PRPF18: variants seen among roughly 807,000 people sequenced by gnomAD.
PRPF18 encodes pre-mRNA-splicing factor 18.
Under a neutral mutation model 46.5 loss-of-function variants are expected in PRPF18, and 38 were observed. The ratio of observed to expected loss-of-function variants is 0.82; its 90% CI spans 0.63 to 1.07. The LOEUF (loss-of-function observed/expected upper bound fraction) is 1.07, where lower values mean the gene tolerates loss of function less well. PRPF18 is among the 50% of genes least tolerant of loss of function. PRPF18 has a pLI of 0.00. For synonymous variants in PRPF18, 152 were observed against 146.7 expected (o/e 1.04, Z -0.26); for missense variants, 263 against 410.0 (o/e 0.64, Z 3.10).
chr10:13,635,727 C>T (rs2080631868), downstream of PRPF18, among the ~76,000 whole-genome samples: 1 of 152,092 alleles, frequency 6.6e-6, no homozygotes, highest in Non-Finnish European at 1.5e-5. Context: ...GTCCTTTGCC[C>T]ACTTTTTAAT....
intron 8 of PRPF18, among the ~76,000 whole-genome samples, chr10:13,615,950 T>C (rs2080333681): frequency 6.6e-6 from 1 of 152,150 alleles, no homozygotes; most frequent in African/African-American, 2.4e-5. Flanking sequence ...CACAGTGCTG[T>C]GTAGGGAGTG....
chr10:13,595,872 A>G (rs1297028268), intron 1 of PRPF18, among the ~76,000 whole-genome samples: 1 of 152,226 alleles, frequency 6.6e-6, no homozygotes, highest in African/African-American at 2.4e-5. Flanking sequence ...ATAAAATTTT[A>G]TGATGAGCCC....
chr10:13,653,923 C>A, the PRPF18 span: 1 of 184,418 alleles, frequency 5.4e-6, no homozygotes, highest in African/African-American at 2.3e-5. Context: ...GGCACCTGAT[C>A]TCTTTTGTGT....
At chr10:13,645,938 A>G in the PRPF18 span, 6 of 152,616 alleles carry the variant, frequency 3.9e-5, no homozygotes, top group Non-Finnish European at 5.9e-5. Context: ...ATGAGAGAGA[A>G]CCACTTTTGG....
At chr10:13,630,208 A>C in intron 9 of PRPF18, 52 bp from the exon 10 acceptor site, 1 of 1,402,958 alleles carries the variant, frequency 7.1e-7, no homozygotes. Flanking sequence ...GAAGGCAGTT[A>C]AGAATAATTT....
At chr10:13,599,182 T>C (rs2133327124) in intron 2 of PRPF18, among the ~76,000 whole-genome samples, 1 of 152,344 alleles carries the variant, frequency 6.6e-6, no homozygotes, top group Admixed American at 6.5e-5. Flanking sequence ...TATCCATTCC[T>C]TTTATTCTTT....
intron 1 of PRPF18, 29 bp downstream of exon 1, chr10:13,587,181 G>T: frequency 6.3e-7 from 1 of 1,594,500 alleles, no homozygotes; most frequent in Non-Finnish European, 8.6e-7. Flanking sequence ...TGGGGGTCGG[G>T]ATGTAAGAGT....
At chr10:13,592,812 T>C (rs933639825) in intron 1 of PRPF18, among the ~76,000 whole-genome samples, 7 of 152,322 alleles carry the variant, frequency 4.6e-5, no homozygotes, top group Middle Eastern at 3.4e-3. Flanking sequence ...GAATTTTAGC[T>C]TTTTTTCCTT....
chr10:13,592,043 A>C, intron 1 of PRPF18: 1 of 609,748 alleles, frequency 1.6e-6, no homozygotes, highest in Non-Finnish European at 2.9e-6. Flanking sequence ...TGTCACCACC[A>C]ACTGGTTTTG....
the PRPF18 span, chr10:13,647,951 T>A: frequency 6.6e-6 from 1 of 152,026 alleles, no homozygotes; most frequent in Non-Finnish European, 1.5e-5. Context: ...GAGGGATGGG[T>A]GACAGGAAGG....
At chr10:13,654,717 G>A in the PRPF18 span, 22 of 572,818 alleles carry the variant, frequency 3.8e-5, no homozygotes, top group East Asian at 5.0e-4. Context: ...CCCAACCTCT[G>A]CATCCCACCC....
intron 2 of PRPF18, among the ~76,000 whole-genome samples, chr10:13,599,210 A>AT (rs2080073326): frequency 6.6e-6 from 1 of 152,136 alleles, no homozygotes; most frequent in Non-Finnish European, 1.5e-5. Flanking sequence ...ATGAGTTAGC[A>AT]TTTTTTAAGG....
At chr10:13,626,534 G>C (rs1206445859) in intron 9 of PRPF18, among the ~76,000 whole-genome samples, 1 of 152,210 alleles carries the variant, frequency 6.6e-6, no homozygotes, top group Non-Finnish European at 1.5e-5. Context: ...GTGGGAGAAA[G>C]TGCTTTTGAG....
intron 3 of PRPF18, among the ~76,000 whole-genome samples, chr10:13,605,256 A>C (rs2080166124): frequency 6.6e-6 from 1 of 152,180 alleles, no homozygotes; most frequent in African/African-American, 2.4e-5. Flanking sequence ...ACAATATACA[A>C]ATTGTTTTTG....
chr10:13,606,563 C>T (rs1315423700), intron 4 of PRPF18, among the ~76,000 whole-genome samples: 2 of 151,854 alleles, frequency 1.3e-5, no homozygotes, highest in African/African-American at 2.4e-5. Flanking sequence ...GGTGAAACCC[C>T]GTCTCTACTA....
At chr10:13,627,039 C>T (rs1473085113) in intron 9 of PRPF18, among the ~76,000 whole-genome samples, 2 of 152,054 alleles carry the variant, frequency 1.3e-5, no homozygotes, top group African/African-American at 2.4e-5. Context: ...TCTCTTATTG[C>T]TCCTCTCCAG....
At chr10:13,624,591 C>A (rs1016896958) in intron 9 of PRPF18, among the ~76,000 whole-genome samples, 2 of 152,168 alleles carry the variant, frequency 1.3e-5, no homozygotes, top group Admixed American at 6.5e-5. Flanking sequence ...ATGTACTGCT[C>A]AGGAAGGGTA....
intron 6 of PRPF18, among the ~76,000 whole-genome samples, chr10:13,612,037 G>A (rs2080276675): frequency 6.6e-6 from 1 of 151,948 alleles, no homozygotes. Flanking sequence ...CCACCACCAT[G>A]CTTGGCTAAT....
At chr10:13,597,675 T>C (rs373945941) in intron 2 of PRPF18, 140 bp downstream of exon 2, 2 of 1,599,290 alleles carry the variant, frequency 1.3e-6, no homozygotes, top group East Asian at 4.5e-5. Flanking sequence ...TGGAGAGGTA[T>C]GAGTTTTTGT....
Sources: gnomAD v4.1 joint callset for allele counts (sites outside exome capture counted in the v4.1 genomes callset) on GRCh38, gnomAD v4.1.1 for gene constraint, MANE v1.5 for transcripts, NCBI Gene and HGNC (gene_info 2026-07-23, HGNC 2026-07-21) for gene names.